Variants in FILIP1L observed in about 807,000 individuals in gnomAD.
The protein encoded by FILIP1L is filamin A-interacting protein 1-like.
A neutral mutation model predicts 96.6 loss-of-function variants in FILIP1L; 55 were observed. The ratio of observed to expected loss-of-function variants is 0.57; its 90% CI spans 0.46 to 0.71. The LOEUF is 0.71. Among genes scored for constraint, FILIP1L ranks in the 30% least tolerant of loss-of-function variants. The probability of loss-of-function intolerance (pLI) is 0.00; values close to 1 mark genes in which losing one functional copy is unlikely to be tolerated. For synonymous variants in FILIP1L, 467 were observed against 473.9 expected (o/e 0.99, Z 0.19); for missense variants, 1,304 against 1,321.2 (o/e 0.99, Z 0.20).
At chr3:99,868,194 A>T (rs911089047) in intron 4 of FILIP1L, among the ~76,000 whole-genome samples, 4 of 152,130 alleles carry the variant, frequency 2.6e-5, no homozygotes, top group African/African-American at 9.7e-5. Context: ...GATGAGTAAG[A>T]CATTTTTAGG....
chr3:100,078,442 C>T (rs1290905329), intron 1 of FILIP1L, among the ~76,000 whole-genome samples: 2 of 152,174 alleles, frequency 1.3e-5, no homozygotes, highest in Non-Finnish European at 2.9e-5. Flanking sequence ...TAGCAAACCA[C>T]TCCAAAATGT....
intron 1 of FILIP1L, among the ~76,000 whole-genome samples, chr3:100,067,562 T>C (rs1559746232): frequency 6.6e-6 from 1 of 152,212 alleles, no homozygotes; most frequent in Non-Finnish European, 1.5e-5. Context: ...TTTTGCAGAT[T>C]TGATTCAGAT....
chr3:99,876,334 C>T lies in FILIP1L; in HGVS notation c.606-25264G>A, dbSNP rs1243711611. The T allele has an allele frequency of 1.7e-5, 8 of 473,330 alleles. No individual in the cohort carries two copies. In the South Asian group the frequency reaches 4.5e-4, roughly 26 times the overall value. 29.3% of individuals were successfully genotyped at this position (473,330 alleles called of 1,614,324 possible). On this transcript the variant is annotated intron_variant, in intron 4 of 5. Transcript: ENST00000477258. ...CACACCCCAGCTCCCGCGGATGTTC[C>T]GGCCGTGTGAACGGACCGTGGTTCC...
At chr3:99,863,221 A>G (rs1219733796) in intron 4 of FILIP1L, among the ~76,000 whole-genome samples, 1 of 152,200 alleles carries the variant, frequency 6.6e-6, no homozygotes, top group East Asian at 1.9e-4. Context: ...CCTCACCTGC[A>G]CAGTTCACAA....
At chr3:99,971,333 CAAA>C (rs34655586) in intron 1 of FILIP1L, among the ~76,000 whole-genome samples, 4 of 121,506 alleles carry the variant, frequency 3.3e-5, no homozygotes, top group Admixed American at 8.6e-5. Flanking sequence ...GAGCCCATCT[CAAA>C]AAAAAAAAAA....
intron 1 of FILIP1L, among the ~76,000 whole-genome samples, chr3:99,980,142 C>G (rs912558444): frequency 1.3e-5 from 2 of 152,106 alleles, no homozygotes; most frequent in Non-Finnish European, 2.9e-5. Flanking sequence ...GTGAGACATG[C>G]AGTAGTACCT....
intron 1 of FILIP1L, among the ~76,000 whole-genome samples, chr3:99,993,021 G>A (rs1468589966): frequency 1.3e-5 from 2 of 151,912 alleles, no homozygotes; most frequent in African/African-American, 4.8e-5. Flanking sequence ...CCATTGATCT[G>A]TGTAACTGTT....
At chr3:100,080,484 G>C (rs542381444) in intron 1 of FILIP1L, among the ~76,000 whole-genome samples, 8 of 152,302 alleles carry the variant, frequency 5.3e-5, no homozygotes, top group South Asian at 2.1e-4. Flanking sequence ...TATAGTAAGA[G>C]ATGGGGCCCA....
At chr3:99,901,032 G>A (rs1405172741) in intron 4 of FILIP1L, among the ~76,000 whole-genome samples, 1 of 152,210 alleles carries the variant, frequency 6.6e-6, no homozygotes, top group Non-Finnish European at 1.5e-5. Context: ...AGGCAGGCAG[G>A]GAATACTGGG....
At chr3:99,919,489 G>C (rs1376950155) in intron 4 of FILIP1L, among the ~76,000 whole-genome samples, 1 of 150,852 alleles carries the variant, frequency 6.6e-6, no homozygotes, top group Non-Finnish European at 1.5e-5. Context: ...TTTTGTTTCA[G>C]TTAATGAATG....
chr3:99,897,869 A>T (rs775047954), intron 4 of FILIP1L, among the ~76,000 whole-genome samples: 4 of 152,248 alleles, frequency 2.6e-5, no homozygotes, highest in Non-Finnish European at 5.9e-5. Flanking sequence ...TATATGTGGT[A>T]AAACAAATGA....
intron 3 of FILIP1L, among the ~76,000 whole-genome samples, chr3:99,924,711 A>G (rs962488626): frequency 5.3e-5 from 8 of 151,980 alleles, no homozygotes; most frequent in African/African-American, 1.7e-4. Flanking sequence ...TAGTAGAGAC[A>G]GGGTTTCTCC....
intron 1 of FILIP1L, among the ~76,000 whole-genome samples, chr3:100,020,319 T>C (rs1192606924): frequency 1.3e-5 from 2 of 152,222 alleles, no homozygotes; most frequent in Non-Finnish European, 2.9e-5. Flanking sequence ...CTTGGTGCCA[T>C]GGTTTCTTAG....
intron 4 of FILIP1L, among the ~76,000 whole-genome samples, chr3:99,869,060 C>T (rs1054619006): frequency 1.3e-5 from 2 of 152,166 alleles, no homozygotes; most frequent in African/African-American, 4.8e-5. Flanking sequence ...GTATAACCAT[C>T]CCTTAGGCTG....
At chr3:99,847,363 T>C (rs1486584096) in intron 5 of FILIP1L, among the ~76,000 whole-genome samples, 1 of 151,684 alleles carries the variant, frequency 6.6e-6, no homozygotes, top group Non-Finnish European at 1.5e-5. Flanking sequence ...TTTTTTTTGC[T>C]TTGAAGTAGA....
At position 99,850,035 on chromosome 3, in the gene FILIP1L, G is replaced by C. The variant is rs577284397; in HGVS notation, c.1641C>G (p.Leu547=). ...TTTCTTCTACATCGGTTTTGGACTT[G>C]AGCGCCCTTTTAGTTTCCTCAATTA... ...EKLIEETKRA[L]KSKTDVEEKM... Residue 547 remains leucine, a synonymous_variant, in exon 5 of 6, where the codon CTC becomes CTG. Transcript: ENST00000477258. The C allele has an allele frequency of 1.2e-6, 2 of 1,609,748 alleles. No individual in the cohort carries two copies. Among genetic ancestry groups the C allele is most frequent in the African/African-American group, 1.3e-5 (1 of 74,616 alleles).
intron 1 of FILIP1L, among the ~76,000 whole-genome samples, chr3:99,974,659 G>A (rs920851089): frequency 3.3e-5 from 5 of 151,990 alleles, no homozygotes; most frequent in Non-Finnish European, 7.4e-5. Flanking sequence ...ATGAGCCAAG[G>A]TCATGCCATT....
At position 100,114,194 on chromosome 3, in the gene FILIP1L, G is replaced by C. The variant is rs2066535378; in HGVS notation, c.-152C>G. 1 of 151,386 alleles carries C rather than the reference G, an allele frequency of 6.6e-6. No homozygotes were observed. Among genetic ancestry groups the C allele is most frequent in the Non-Finnish European group, 1.5e-5 (1 of 67,888 alleles). The allele number at this position is 151,386 out of a possible 1,614,324, so 9.4% of individuals were successfully genotyped here. A position where few individuals can be genotyped will look rare whatever the true frequency, so the allele number is the denominator to read the frequency against. The stretch of plus-strand genomic sequence containing the variant: ...CACCCTCTCAGTTTTTGTTTTGTAG[G>C]CTTGAAAGCCACCGAGAGTTTGCAA... On this transcript the variant is annotated 5_prime_UTR_variant, in exon 1 of 6. Coordinates refer to ENST00000477258, the MANE Select transcript of FILIP1L (RefSeq NM_001387850.1).
At chr3:99,923,025 C>G (rs558268399) in intron 4 of FILIP1L, among the ~76,000 whole-genome samples, 3 of 152,086 alleles carry the variant, frequency 2.0e-5, no homozygotes, top group Non-Finnish European at 4.4e-5. Flanking sequence ...TGTTCACTCT[C>G]TTTTTAAAGT....
Sources: allele counts gnomAD v4.1 joint callset (sites outside exome capture counted in the v4.1 genomes callset), GRCh38; gene constraint gnomAD v4.1.1; transcripts MANE v1.5; gene names NCBI Gene and HGNC (gene_info 2026-07-23, HGNC 2026-07-21).